The following HEATR5A variants were observed in gnomAD, a reference collection of about 807,000 sequenced individuals.
The protein encoded by HEATR5A is HEAT repeat-containing protein 5A.
In HEATR5A, 178 loss-of-function variants were observed where a neutral mutation model predicts 218.8. The observed-to-expected ratio is 0.81, with a 90% CI of 0.72 to 0.92. The LOEUF (loss-of-function observed/expected upper bound fraction) is 0.92, where lower values mean the gene tolerates loss of function less well. Among genes scored for constraint, HEATR5A ranks in the 40% least tolerant of loss-of-function variants. The probability of loss-of-function intolerance (pLI) is 0.00; values close to 1 mark genes in which losing one functional copy is unlikely to be tolerated. For missense variants in HEATR5A, 2,420 were observed against 2,418.9 expected, an observed-to-expected ratio of 1.00 and a Z score of -0.01; for synonymous variants, 864 against 871.6, an observed-to-expected ratio of 0.99 and a Z score of 0.15.
chr14:31,327,635 C>G (rs1566755678), intron 22 of HEATR5A, among the ~76,000 whole-genome samples: 2 of 152,046 alleles, frequency 1.3e-5, no homozygotes, highest in Non-Finnish European at 2.9e-5. Context: ...ATTAAGTTTT[C>G]CTTATTCTGG....
chr14:31,346,987 TG>T lies in HEATR5A; in HGVS notation c.2868+760del, dbSNP rs1454919908. Among the ~76,000 whole-genome samples, 7 of 152,348 alleles carry T rather than the reference TG, an allele frequency of 4.6e-5. No individual in the cohort carries two copies. The South Asian group carries it at 1.2e-3, about 27-fold the overall frequency. On this transcript the variant is annotated intron_variant, in intron 19 of 35. Transcript: ENST00000543095. ...GTTAAGAACAGGAGTTTGGAGTCTA[TG>T]ACTTGTGTTCTTGATCTGATTCCAT...
chr14:31,335,618 A>C (rs982635773), intron 22 of HEATR5A, among the ~76,000 whole-genome samples: 2 of 152,186 alleles, frequency 1.3e-5, no homozygotes, highest in African/African-American at 4.8e-5. Flanking sequence ...TAACTTTCTA[A>C]AAGTATGATG....
At chr14:31,308,615 A>G (rs1474595163) in intron 29 of HEATR5A, among the ~76,000 whole-genome samples, 1 of 151,970 alleles carries the variant, frequency 6.6e-6, no homozygotes, top group Non-Finnish European at 1.5e-5. Flanking sequence ...CGGAAAACAT[A>G]TGGAGTTTCA....
intron 22 of HEATR5A, among the ~76,000 whole-genome samples, chr14:31,329,913 A>G (rs1314695084): frequency 6.6e-6 from 1 of 152,144 alleles, no homozygotes; most frequent in Non-Finnish European, 1.5e-5. Flanking sequence ...GGGTTTCACC[A>G]TGTTGCCCAA....
chr14:31,359,448 C>T (rs905335230), intron 14 of HEATR5A, among the ~76,000 whole-genome samples: 62 of 151,902 alleles, frequency 4.1e-4, no homozygotes, highest in Non-Finnish European at 7.8e-4. Flanking sequence ...AGCCTGAGGC[C>T]GGGTGTGGTG....
At chr14:31,405,126 T>C (rs934867156) in intron 1 of HEATR5A, among the ~76,000 whole-genome samples, 1 of 151,250 alleles carries the variant, frequency 6.6e-6, no homozygotes, top group Non-Finnish European at 1.5e-5. Context: ...ATGTCACTTT[T>C]ACAGAACAAA....
chr14:31,374,762 A>C (rs1566773261), intron 12 of HEATR5A, 54 bp downstream of exon 12: 1 of 1,519,104 alleles, frequency 6.6e-7, no homozygotes, highest in African/African-American at 1.4e-5. Context: ...GTTAAAGACA[A>C]AGGGTGGGTA....
intron 12 of HEATR5A, 131 bp downstream of exon 12, chr14:31,374,685 A>G (rs2139260971): frequency 1.3e-6 from 1 of 770,418 alleles, no homozygotes; most frequent in East Asian, 2.8e-5. Context: ...TTTTTTGTTC[A>G]GTTACAAAAA....
At position 31,295,971 on chromosome 14, in the gene HEATR5A, G is replaced by T; in HGVS notation, c.5557C>A (p.Pro1853Thr). ...LSTSPEVTTI[P>T]CLQKRCIDKF... ...TCAATACAGCGCTTCTGAAGGCATG[G>T]GATGGTAGTTACTTCTGGACTGGTA... The change falls in exon 34 of 36, where the codon CCA becomes ACA. Residue 1853 changes from proline to threonine, a missense_variant. Coordinates refer to ENST00000543095, the MANE Select transcript of HEATR5A (RefSeq NM_015473.4). The T allele has an allele frequency of 6.2e-7, 1 of 1,613,310 alleles. No individual in the cohort carries two copies. Among genetic ancestry groups the T allele is most frequent in the Non-Finnish European group, 8.5e-7 (1 of 1,179,456 alleles).
At chr14:31,326,931 C>T (rs1566755387) in intron 22 of HEATR5A, among the ~76,000 whole-genome samples, 1 of 151,718 alleles carries the variant, frequency 6.6e-6, no homozygotes. Context: ...AGGTGTGAGC[C>T]ACTGAACCCA....
chr14:31,393,794 G>A (rs1264313877), intron 6 of HEATR5A, among the ~76,000 whole-genome samples: 1 of 152,010 alleles, frequency 6.6e-6, no homozygotes, highest in African/African-American at 2.4e-5. Flanking sequence ...GATTGCAGGC[G>A]TGTGCCATCA....
rs1899061412 is a variant in HEATR5A at position 31,292,672 on chromosome 14, T to A, written c.*633A>T. ...ATCTTGGCTCACTGCAACCTCTGCC[T>A]GCCAGGTTCAAGCGATTTTCCTGCC... On this transcript the variant is annotated 3_prime_UTR_variant, in exon 36 of 36. Transcript: ENST00000543095. The A allele has an allele frequency of 6.6e-6, 1 of 152,122 alleles. No individual in the cohort carries two copies. Among genetic ancestry groups the A allele is most frequent in the East Asian group, 1.9e-4 (1 of 5,204 alleles). The allele number at this position is 152,122 out of a possible 1,614,324, so 9.4% of individuals were successfully genotyped here. A position where few individuals can be genotyped will look rare whatever the true frequency, so the allele number is the denominator to read the frequency against.
At chr14:31,411,984 T>C (rs974481483) in intron 1 of HEATR5A, among the ~76,000 whole-genome samples, 1 of 152,056 alleles carries the variant, frequency 6.6e-6, no homozygotes, top group African/African-American at 2.4e-5. Flanking sequence ...GCCTCCCAAA[T>C]AGCTGGGATT....
chr14:31,305,788 C>T lies in HEATR5A; in HGVS notation c.4967-611G>A, dbSNP rs1341278403. On this transcript the variant is annotated intron_variant, in intron 31 of 35. Coordinates refer to ENST00000543095, the MANE Select transcript of HEATR5A (RefSeq NM_015473.4). ...GAAATTACCATGTGACCTTACGTATCGATGGTGGCTGGACAGAAAGACAGA... is the reference window on the plus strand; with the variant it reads ...GAAATTACCATGTGACCTTACGTATTGATGGTGGCTGGACAGAAAGACAGA... Among the ~76,000 whole-genome samples, 5 of 152,216 alleles carry T rather than the reference C, an allele frequency of 3.3e-5. No individual in the cohort carries two copies. The South Asian group carries it at 6.2e-4, about 19-fold the overall frequency.
In HEATR5A at chr14:31,393,977, C is replaced by T. The variant is rs193152410; in HGVS notation, c.772+75G>A. 1.9e-4 allele frequency: 183 copies of T among 975,762 alleles called. No homozygotes were observed. In the East Asian group the frequency reaches 3.7e-3, roughly 20 times the overall value. 60.4% of individuals were successfully genotyped at this position (975,762 alleles called of 1,614,324 possible). A position where few individuals can be genotyped will look rare whatever the true frequency, so the allele number is the denominator to read the frequency against. The stretch of plus-strand genomic sequence containing the variant: ...ATTGATTTATAACGGGTAGCAATAA[C>T]ACTATACATATTTGTTTATATCAAC... On this transcript the variant is annotated intron_variant, in intron 6 of 35. Transcript: ENST00000543095.
At chr14:31,380,223 G>A (rs941286386) in intron 11 of HEATR5A, among the ~76,000 whole-genome samples, 17 of 152,052 alleles carry the variant, frequency 1.1e-4, no homozygotes, top group East Asian at 5.8e-4. Flanking sequence ...TTAGTAACTC[G>A]GCTTATCCTA....
chr14:31,359,073 A>G lies in HEATR5A; in HGVS notation c.2072-16T>C. ...CAGAGGTTTCCTGTTGAGTCACAGAAAAAGAGCAATTAGTACTATTAATTA... is the reference window on the plus strand; with the variant it reads ...CAGAGGTTTCCTGTTGAGTCACAGAGAAAGAGCAATTAGTACTATTAATTA... On this transcript the variant is annotated splice_polypyrimidine_tract_variant and intron_variant, in intron 14 of 35. Coordinates refer to ENST00000543095, the MANE Select transcript of HEATR5A (RefSeq NM_015473.4). 6.3e-7 allele frequency: 1 copy of G among 1,592,328 alleles called. No homozygotes were observed. Among genetic ancestry groups the G allele is most frequent in the Non-Finnish European group, 8.5e-7 (1 of 1,175,266 alleles).
At chr14:31,334,406 C>T in intron 22 of HEATR5A, 2 of 455,986 alleles carry the variant, frequency 4.4e-6, no homozygotes, top group South Asian at 3.1e-5. Flanking sequence ...GATTATCATT[C>T]TAGATGGTTT....
intron 16 of HEATR5A, among the ~76,000 whole-genome samples, chr14:31,355,666 C>T (rs989875767): frequency 1.3e-5 from 2 of 151,952 alleles, no homozygotes; most frequent in East Asian, 1.9e-4. Flanking sequence ...ACCCAGGAGG[C>T]GGATGTTGCA....
Sources: gnomAD v4.1 joint callset for allele counts (sites outside exome capture counted in the v4.1 genomes callset) on GRCh38, gnomAD v4.1.1 for gene constraint, MANE v1.5 for transcripts, NCBI Gene and HGNC (gene_info 2026-07-23, HGNC 2026-07-21) for gene names.